AMBRA1: variants seen among roughly 807,000 people sequenced by gnomAD.
AMBRA1 encodes the protein autophagy and beclin 1 regulator 1, also known as activating molecule in BECN1-regulated autophagy protein 1.
Under a neutral mutation model 125.4 loss-of-function variants are expected in AMBRA1, and 47 were observed. That is an observed-to-expected ratio of 0.37 (90% CI 0.30 to 0.48). The LOEUF is 0.48. Among genes scored for constraint, AMBRA1 ranks in the 20% least tolerant of loss-of-function variants. The pLI is 0.99. For synonymous variants in AMBRA1, 626 were observed against 655.5 expected (o/e 0.95, Z 0.69); for missense variants, 1,331 against 1,693.4 (o/e 0.79, Z 3.76).
chr11:46,459,476 C>G (rs915067926), intron 11 of AMBRA1, among the ~76,000 whole-genome samples: 1 of 151,756 alleles, frequency 6.6e-6, no homozygotes, highest in Non-Finnish European at 1.5e-5. Flanking sequence ...ATTGGGAAAC[C>G]GACGCAAGTG....
chr11:46,403,636 T>G (rs575633220), intron 17 of AMBRA1, among the ~76,000 whole-genome samples: 1 of 152,308 alleles, frequency 6.6e-6, no homozygotes, highest in East Asian at 1.9e-4. Context: ...GTAGGAAAGC[T>G]TGCTGTAGAG....
rs200433904 is a variant in AMBRA1 at position 46,397,879 on chromosome 11, C to T, written c.3468G>A (p.Ala1156=). 2.5e-5 allele frequency: 40 copies of T among 1,600,066 alleles called. No homozygotes were observed. Among genetic ancestry groups the T allele is most frequent in the Admixed American group, 1.3e-4 (8 of 60,026 alleles). The stretch of plus-strand genomic sequence containing the variant: ...GCACCACGGCTGTCATGCCGCCCTC[C>T]GCCATCAGCCTCTGGATCCTGCTGA... ...DALSRIQRLM[A]EGGMTAVVQR... is the part of the protein sequence containing the mutation. The change falls in exon 18 of 18, where the codon GCG becomes GCA. Residue 1156 remains alanine, a synonymous_variant. Transcript: ENST00000683756.
Position 46,467,257 on chromosome 11 carries a change from C to T in AMBRA1, c.2522-23659G>A, listed in dbSNP as rs543193530. 2.8e-4 allele frequency among the ~76,000 whole-genome samples: 42 copies of T among 152,210 alleles called. 1 individual carries two copies. In the South Asian group the frequency reaches 8.5e-3, roughly 31 times the overall value. On this transcript the variant is annotated intron_variant, in intron 11 of 17. Transcript: ENST00000683756. The stretch of plus-strand genomic sequence containing the variant: ...AATTTCCGCTATTATCTACTGATTT[C>T]CTATGATGGGAGATGATTTGTTCCT...
intron 7 of AMBRA1, among the ~76,000 whole-genome samples, chr11:46,527,600 C>CA (rs1952034120): frequency 6.7e-6 from 1 of 149,832 alleles, no homozygotes; most frequent in African/African-American, 2.5e-5. Context: ...ACTCAATAAC[C>CA]AAAAAACCCC....
intron 11 of AMBRA1, among the ~76,000 whole-genome samples, chr11:46,478,362 G>A (rs951422114): frequency 1.3e-5 from 2 of 152,266 alleles, no homozygotes; most frequent in African/African-American, 4.8e-5. Context: ...GTAAGTGCTT[G>A]CACAGTTAAT....
intron 17 of AMBRA1, among the ~76,000 whole-genome samples, chr11:46,399,824 C>A (rs1295607149): frequency 1.3e-5 from 2 of 152,182 alleles, no homozygotes; most frequent in Non-Finnish European, 2.9e-5. Flanking sequence ...CAGCACAGGA[C>A]CCAGGTCTAG....
In AMBRA1 at chr11:46,593,841, G is replaced by A; in HGVS notation, c.-134C>T. The A allele has an allele frequency of 2.5e-6, 1 of 396,716 alleles. No individual in the cohort carries two copies. 24.6% of individuals were successfully genotyped at this position (396,716 alleles called of 1,614,324 possible). ...TCCTGGGCCTACCTGCAAGGCAGAC[G>A]GGAGCTCGGTTTGCAGTCCAGCGAA... On this transcript the variant is annotated 5_prime_UTR_variant, in exon 1 of 18. Coordinates refer to ENST00000683756, the MANE Select transcript of AMBRA1 (RefSeq NM_001387011.1).
At chr11:46,433,367 G>T in intron 14 of AMBRA1, 107 bp downstream of exon 14, 2 of 1,381,680 alleles carry the variant, frequency 1.4e-6, no homozygotes, top group Non-Finnish European at 1.9e-6. Flanking sequence ...CCTTATGACT[G>T]TGTGATAGCT....
At chr11:46,501,336 T>C (rs147918734) in intron 9 of AMBRA1, among the ~76,000 whole-genome samples, 1 of 152,284 alleles carries the variant, frequency 6.6e-6, no homozygotes, top group East Asian at 1.9e-4. Flanking sequence ...TAGACTACCT[T>C]AGTCTGAGTG....
At chr11:46,482,577 G>C (rs1950112689) in intron 11 of AMBRA1, among the ~76,000 whole-genome samples, 1 of 152,178 alleles carries the variant, frequency 6.6e-6, no homozygotes, top group Non-Finnish European at 1.5e-5. Flanking sequence ...GGAACAAGGA[G>C]AAACCCTTGT....
At position 46,433,596 on chromosome 11, in the gene AMBRA1, T is replaced by C. The variant is rs143074080; in HGVS notation, c.2854A>G (p.Met952Val). 110 of 1,614,052 alleles carry C rather than the reference T, an allele frequency of 6.8e-5. No homozygotes were observed. The highest frequency in any genetic ancestry group is 4.0e-4 in the East Asian group (18 of 44,880). The part of the protein sequence containing the change: ...PNAISVSLSP[M>V]GRYVMVGLAS... ...AAGCCCACCATTACATATCTGCCCA[T>C]TGGGGACAGGCTCACCGAAATGGCA... The change falls in exon 14 of 18, where the codon ATG (methionine) becomes GTG (valine). Residue 952 changes from methionine to valine, a missense_variant. Physicochemically the swap from Met to Val is conservative, Grantham distance 21. Around this residue, in one of 4 missense-constraint regions of AMBRA1, gnomAD observed 354 missense variants for 532.7 expected, o/e 0.66. Coordinates refer to ENST00000683756, the MANE Select transcript of AMBRA1 (RefSeq NM_001387011.1).
At chr11:46,559,170 C>T (rs1345662195) in intron 1 of AMBRA1, among the ~76,000 whole-genome samples, 2 of 151,890 alleles carry the variant, frequency 1.3e-5, no homozygotes, top group Non-Finnish European at 2.9e-5. Flanking sequence ...CGTGGTGGCA[C>T]GCCCCTGTAA....
At chr11:46,437,782 C>T (rs1452537909) in intron 12 of AMBRA1, among the ~76,000 whole-genome samples, 3 of 152,140 alleles carry the variant, frequency 2.0e-5, no homozygotes, top group African/African-American at 7.2e-5. Context: ...GAACAACTAA[C>T]TCATCCTTTT....
At chr11:46,464,730 A>G (rs1444490389) in intron 11 of AMBRA1, among the ~76,000 whole-genome samples, 1 of 151,956 alleles carries the variant, frequency 6.6e-6, no homozygotes, top group Non-Finnish European at 1.5e-5. Context: ...CAGAGTCCAT[A>G]CCCTAACTAC....
rs544716979 is a variant in AMBRA1, at chr11:46,569,082, T to C, written c.-120-20582A>G. Among the ~76,000 whole-genome samples the C allele has an allele frequency of 1.7e-3, 259 of 151,630 alleles. 1 individual carries two copies. Among genetic ancestry groups the C allele is most frequent in the African/African-American group, 6.0e-3 (248 of 41,420 alleles). On this transcript the variant is annotated intron_variant, in intron 1 of 17. Transcript: ENST00000683756. The stretch of plus-strand genomic sequence containing the variant: ...TTGGCCTCCCAAAGTGCTAGGATTA[T>C]AGTTGTGAGCCACCATGCCCAGCCG...
chr11:46,538,094 C>G (rs1020332652), intron 7 of AMBRA1, among the ~76,000 whole-genome samples: 11 of 152,198 alleles, frequency 7.2e-5, no homozygotes, highest in Non-Finnish European at 1.5e-4. Flanking sequence ...GAGGAAGAGG[C>G]AGACCAGCAC....
chr11:46,474,930 A>G (rs1057348335), intron 11 of AMBRA1, among the ~76,000 whole-genome samples: 1 of 152,198 alleles, frequency 6.6e-6, no homozygotes, highest in Non-Finnish European at 1.5e-5. Flanking sequence ...AGAAATGGAC[A>G]TTTTAAGGCT....
At chr11:46,489,437 C>T (rs1360765877) in intron 11 of AMBRA1, among the ~76,000 whole-genome samples, 1 of 152,110 alleles carries the variant, frequency 6.6e-6, no homozygotes, top group Non-Finnish European at 1.5e-5. Context: ...AGCCACCGCA[C>T]CTGGCCAGTT....
intron 12 of AMBRA1, among the ~76,000 whole-genome samples, chr11:46,436,674 G>A (rs972279215): frequency 1.3e-5 from 2 of 151,788 alleles, no homozygotes; most frequent in African/African-American, 4.8e-5. Flanking sequence ...AACAAAACAC[G>A]GCAATATCCC....
Sources: allele counts gnomAD v4.1 joint callset (sites outside exome capture counted in the v4.1 genomes callset), GRCh38; gene constraint gnomAD v4.1.1; regional missense constraint gnomAD v4.1.1; transcripts MANE v1.5; gene names NCBI Gene and HGNC (gene_info 2026-07-23, HGNC 2026-07-21).